Variants in GLDC observed in about 807,000 individuals in gnomAD.
The protein encoded by GLDC is glycine decarboxylase, also known as glycine dehydrogenase (decarboxylating), mitochondrial.
GLDC carries 104 observed loss-of-function variants against 121.3 expected under a neutral mutation model. The observed-to-expected ratio is 0.86, with a 90% CI of 0.73 to 1.01. GLDC has a LOEUF of 1.01. Among genes scored for constraint, GLDC ranks in the 50% least tolerant of loss-of-function variants. GLDC has a pLI of 0.00. For missense variants in GLDC, 1,429 were observed against 1,306.6 expected, an observed-to-expected ratio of 1.09 and a Z score of -1.44; for synonymous variants, 546 against 480.6, an observed-to-expected ratio of 1.14 and a Z score of -1.78.
intron 3 of GLDC, among the ~76,000 whole-genome samples, chr9:6,617,753 G>C (rs985477156): frequency 6.6e-6 from 1 of 152,174 alleles, no homozygotes; most frequent in African/African-American, 2.4e-5. Context: ...CTACGACAAA[G>C]CACATGCACC....
At chr9:6,559,050 G>A (rs1817691973) in intron 16 of GLDC, among the ~76,000 whole-genome samples, 1 of 152,094 alleles carries the variant, frequency 6.6e-6, no homozygotes, top group Admixed American at 6.6e-5. Context: ...AGGACTCAGG[G>A]CCCACATCAC....
chr9:6,565,946 A>C, intron 15 of GLDC: 1 of 204,498 alleles, frequency 4.9e-6, no homozygotes, highest in Non-Finnish European at 1.0e-5. Flanking sequence ...ATTGTTTTTA[A>C]AAATATAACT....
intron 2 of GLDC, among the ~76,000 whole-genome samples, chr9:6,627,475 C>G (rs140703901): frequency 6.6e-6 from 1 of 152,088 alleles, no homozygotes. Flanking sequence ...GACTCTGCCC[C>G]TATCCAGCTT....
chr9:6,588,418 T>C lies in GLDC; in HGVS notation c.1690A>G (p.Ser564Gly). ...PLGSCTMKLN[S>G]SSELAPITWK... ...CTACTTACTGCGAGTTCAGACGAAC[T>C]GTTCAGTTTCATGGTGCAGGATCCC... The change falls in exon 14 of 25, where the codon AGT (serine) becomes GGT (glycine). Residue 564 changes from serine (S) to glycine (G), a missense_variant. Physicochemically the swap from Ser to Gly is moderately conservative, Grantham distance 56. Transcript: ENST00000321612. The C allele has an allele frequency of 6.2e-7, 1 of 1,612,466 alleles. No individual in the cohort carries two copies.
chr9:6,551,563 G>A (rs892308707), intron 20 of GLDC, among the ~76,000 whole-genome samples: 1 of 152,158 alleles, frequency 6.6e-6, no homozygotes, highest in Non-Finnish European at 1.5e-5. Context: ...AAGAGAATGA[G>A]AGAGCACCAA....
chr9:6,595,845 T>C (rs1818484141), intron 8 of GLDC, among the ~76,000 whole-genome samples: 1 of 152,192 alleles, frequency 6.6e-6, no homozygotes. Flanking sequence ...ATACAGTTGA[T>C]GTTCAATACT....
At chr9:6,563,280 T>C (rs1281219189) in intron 16 of GLDC, among the ~76,000 whole-genome samples, 1 of 152,192 alleles carries the variant, frequency 6.6e-6, no homozygotes, top group African/African-American at 2.4e-5. Flanking sequence ...ATTTGGGAAA[T>C]GGCGAGGGGT....
chr9:6,578,705 A>G (rs1036085176), intron 15 of GLDC, among the ~76,000 whole-genome samples: 1 of 151,744 alleles, frequency 6.6e-6, no homozygotes, highest in African/African-American at 2.4e-5. Flanking sequence ...ATGCTAGGCT[A>G]ATTTTTTTGG....
At chr9:6,610,457 A>T in intron 3 of GLDC, 101 bp from the exon 4 acceptor site, 6 of 1,160,886 alleles carry the variant, frequency 5.2e-6, no homozygotes, top group Non-Finnish European at 7.6e-6. Context: ...TAATTTGCCT[A>T]TCTTGAGGAG....
In GLDC at chr9:6,533,140, G is replaced by C. The variant is rs1335607734; in HGVS notation, c.2940C>G (p.Asn980Lys). ...AFPLPFVKPE[N>K]KFWPTIARID... ...TCCGGGCAATCGTTGGCCAGAATTT[G>C]TTCTCTGGTTTCACGAAGGGCTGCA... The change falls in exon 25 of 25, where the codon AAC becomes AAG. Residue 980 changes from asparagine to lysine, a missense_variant. Coordinates refer to ENST00000321612, the MANE Select transcript of GLDC (RefSeq NM_000170.3). 3 of 1,613,460 alleles carry C rather than the reference G, an allele frequency of 1.9e-6. No homozygotes were observed. The highest frequency in any genetic ancestry group is 2.5e-6 in the Non-Finnish European group (3 of 1,179,546).
At chr9:6,535,088 G>A (rs1286664969) in intron 23 of GLDC, among the ~76,000 whole-genome samples, 2 of 152,070 alleles carry the variant, frequency 1.3e-5, no homozygotes, top group Non-Finnish European at 2.9e-5. Context: ...CCCCATCCCA[G>A]TGCTAACCAC....
At position 6,569,584 on chromosome 9, in the gene GLDC, G is replaced by A. The variant is rs376682567; in HGVS notation, c.1851-4155C>T. Reference sequence around the variant, plus strand: ...GGAGAATTGCTTGAACCCGGGAGGCGGAGGTTGCAGCGAGCTGAGATCGCA... The same window carrying A: ...GGAGAATTGCTTGAACCCGGGAGGCAGAGGTTGCAGCGAGCTGAGATCGCA... On this transcript the variant is annotated intron_variant, in intron 15 of 24. Coordinates refer to ENST00000321612, the MANE Select transcript of GLDC (RefSeq NM_000170.3). Among the ~76,000 whole-genome samples, 21 of 152,198 alleles carry A rather than the reference G, an allele frequency of 1.4e-4. No individual in the cohort carries two copies. The East Asian group carries it at 1.7e-3, about 13-fold the overall frequency.
In GLDC at chr9:6,588,687, T is replaced by G. The variant is rs2129837578; in HGVS notation, c.1596A>C (p.Thr532=). The G allele has an allele frequency of 2.5e-6, 4 of 1,612,750 alleles. No individual in the cohort carries two copies. The highest frequency in any genetic ancestry group is 3.4e-6 in the Non-Finnish European group (4 of 1,178,754). ...HQVFNSYHSE[T]NIVRYMKKLE... is the part of the protein sequence containing the mutation. The stretch of plus-strand genomic sequence containing the variant: ...GTTTCTTCATGTACCGGACAATGTT[T>G]GTTTCAGAGTGGTAGCTGTGAACAC... The change falls in exon 13 of 25, where the codon ACA becomes ACC. Residue 532 remains threonine (T), a synonymous_variant. Transcript: ENST00000321612.
intron 21 of GLDC, chr9:6,541,928 A>G (rs1330452035): frequency 4.6e-5 from 7 of 151,728 alleles, no homozygotes; most frequent in Non-Finnish European, 1.0e-4. Context: ...CTTGAAGAAA[A>G]AAAAAAAAAA....
chr9:6,608,864 G>A (rs1261222221), intron 4 of GLDC, among the ~76,000 whole-genome samples: 1 of 152,182 alleles, frequency 6.6e-6, no homozygotes, highest in Non-Finnish European at 1.5e-5. Flanking sequence ...AACCAGAGAG[G>A]TGGGTGGATG....
chr9:6,553,228 G>A, intron 20 of GLDC, 140 bp downstream of exon 20: 1 of 746,752 alleles, frequency 1.3e-6, no homozygotes, highest in South Asian at 1.7e-5. Context: ...TTCCACCCAG[G>A]CCATCAGCAA....
intron 22 of GLDC, among the ~76,000 whole-genome samples, chr9:6,537,824 T>C (rs1166432232): frequency 6.6e-6 from 1 of 152,140 alleles, no homozygotes; most frequent in Non-Finnish European, 1.5e-5. Context: ...GAAAGGACTG[T>C]AGGTGAGCAC....
chr9:6,592,056 C>T, intron 11 of GLDC, 87 bp downstream of exon 11: 3 of 827,666 alleles, frequency 3.6e-6, no homozygotes, highest in African/African-American at 3.3e-5. Context: ...CACTTGGGCC[C>T]CTTCTCCCTC....
chr9:6,607,865 G>C (rs575910084), intron 4 of GLDC, among the ~76,000 whole-genome samples: 2 of 151,884 alleles, frequency 1.3e-5, no homozygotes, highest in Non-Finnish European at 2.9e-5. Context: ...GCTCACGCCT[G>C]TAATCCTTAT....
Sources: gnomAD v4.1 joint callset for allele counts (sites outside exome capture counted in the v4.1 genomes callset) on GRCh38, gnomAD v4.1.1 for gene constraint, MANE v1.5 for transcripts, NCBI Gene and HGNC (gene_info 2026-07-23, HGNC 2026-07-21) for gene names.